GDPD4: variants seen among roughly 807,000 people sequenced by gnomAD.
GDPD4 encodes glycerophosphodiester phosphodiesterase 6.
A neutral mutation model predicts 67.8 loss-of-function variants in GDPD4; 60 were observed. The observed-to-expected ratio is 0.88, with a 90% CI of 0.72 to 1.10. GDPD4 has a LOEUF of 1.10. Ranked by LOEUF, GDPD4 falls within the 50% of genes least tolerant of loss-of-function variation. The pLI is 0.00. For synonymous variants in GDPD4, 212 were observed against 210.9 expected (o/e 1.00, Z -0.04); for missense variants, 623 against 613.9 (o/e 1.01, Z -0.16).
At chr11:77,287,677 C>T (rs1250697867) in intron 1 of GDPD4, among the ~76,000 whole-genome samples, 1 of 152,182 alleles carries the variant, frequency 6.6e-6, no homozygotes, top group Non-Finnish European at 1.5e-5. Context: ...GGACAATATT[C>T]CCTGTCCTCA....
chr11:77,251,910 T>C (rs1042480463), intron 11 of GDPD4, among the ~76,000 whole-genome samples: 4 of 152,124 alleles, frequency 2.6e-5, no homozygotes, highest in African/African-American at 9.7e-5. Context: ...TTTTCTCCTC[T>C]GGGTAATTTT....
chr11:77,283,246 C>A (rs1959838883), intron 3 of GDPD4, among the ~76,000 whole-genome samples: 2 of 152,246 alleles, frequency 1.3e-5, no homozygotes, highest in Admixed American at 6.5e-5. Context: ...CTGTAAAATG[C>A]CTGGAAGAGC....
rs115894662 is a variant in GDPD4, at chr11:77,246,872, G to A, written c.865-1370C>T. Among the ~76,000 whole-genome samples, 527 of 152,172 alleles carry A rather than the reference G, an allele frequency of 3.5e-3. 5 individuals carry two copies. The highest frequency in any genetic ancestry group is 0.012 in the African/African-American group (490 of 41,526). On this transcript the variant is annotated intron_variant, in intron 11 of 16. Coordinates refer to ENST00000315938, the MANE Select transcript of GDPD4 (RefSeq NM_182833.3). Reference sequence around the variant, plus strand: ...TTTGCTACATTAAATTTAATAGATGGCAACTTTGATAATCACTTGCCATTT... The same window carrying A: ...TTTGCTACATTAAATTTAATAGATGACAACTTTGATAATCACTTGCCATTT...
chr11:77,292,699 G>A (rs1346852175), intron 1 of GDPD4, among the ~76,000 whole-genome samples: 1 of 152,142 alleles, frequency 6.6e-6, no homozygotes, highest in Admixed American at 6.5e-5. Context: ...TTTCCAACCA[G>A]GATCATTAAG....
At chr11:77,256,117 C>T (rs1001240987) in intron 11 of GDPD4, among the ~76,000 whole-genome samples, 1 of 152,178 alleles carries the variant, frequency 6.6e-6, no homozygotes, top group South Asian at 2.1e-4. Flanking sequence ...CTCTACTGTT[C>T]CATCAAACAT....
chr11:77,250,762 C>A (rs1958876343), intron 11 of GDPD4, among the ~76,000 whole-genome samples: 1 of 152,086 alleles, frequency 6.6e-6, no homozygotes, highest in South Asian at 2.1e-4. Context: ...TTAAAGTCAC[C>A]AACATTTACT....
At chr11:77,272,047 T>A (rs930500243) in intron 5 of GDPD4, among the ~76,000 whole-genome samples, 7 of 152,166 alleles carry the variant, frequency 4.6e-5, no homozygotes, top group Non-Finnish European at 7.4e-5. Context: ...ATGTATAGTT[T>A]TCCTACATCC....
Position 77,243,707 on chromosome 11 carries a change from G to T in GDPD4, c.1228C>A (p.Pro410Thr). ...IINVDYKKLF[P>T]NGLRDYKAAN... The stretch of plus-strand genomic sequence containing the variant: ...TCAAACACTTACCTTAACCCATTAG[G>T]GAACAACTTCTTGTAGTCAACATTT... The change falls in exon 13 of 17, where the codon CCT (proline) becomes ACT (threonine). Residue 410 changes from proline (P) to threonine (T), a missense_variant. Transcript: ENST00000315938. 6.2e-7 allele frequency: 1 copy of T among 1,612,622 alleles called. No individual in the cohort carries two copies.
At chr11:77,282,740 A>G (rs1959820623) in intron 3 of GDPD4, among the ~76,000 whole-genome samples, 1 of 152,168 alleles carries the variant, frequency 6.6e-6, no homozygotes, top group Admixed American at 6.5e-5. Context: ...ATAGGACAGT[A>G]GCATTAGGAA....
chr11:77,278,837 A>G (rs1959615480), intron 4 of GDPD4, among the ~76,000 whole-genome samples: 1 of 152,228 alleles, frequency 6.6e-6, no homozygotes. Flanking sequence ...GGCTTTTGCT[A>G]AAATGTACTT....
chr11:77,245,401 C>G lies in GDPD4; in HGVS notation c.966G>C (p.Glu322Asp). 1 of 1,614,130 alleles carries G rather than the reference C, an allele frequency of 6.2e-7. No individual in the cohort carries two copies. Among genetic ancestry groups the G allele is most frequent in the Non-Finnish European group, 8.5e-7 (1 of 1,179,984 alleles). The change falls in exon 12 of 17, where the codon GAG becomes GAC. Residue 322 changes from glutamate to aspartate, a missense_variant. Glu to Asp is a conservative substitution (Grantham distance 45). Coordinates refer to ENST00000315938, the MANE Select transcript of GDPD4 (RefSeq NM_182833.3). ...PTLADLLTLAEKERKFVIFDL... is the reference protein window; with the variant it reads ...PTLADLLTLADKERKFVIFDL... ...CAAATATCACAAATTTTCTTTCCTT[C>G]TCTGCAAGTGTCAATAAATCAGCTA...
intron 16 of GDPD4, among the ~76,000 whole-genome samples, chr11:77,224,057 T>C (rs995706682): frequency 1.3e-5 from 2 of 152,158 alleles, no homozygotes; most frequent in Admixed American, 1.3e-4. Flanking sequence ...AAAAGTGCAG[T>C]ATTAAGGCTG....
At chr11:77,289,552 A>G (rs1937694610) in intron 1 of GDPD4, among the ~76,000 whole-genome samples, 1 of 151,746 alleles carries the variant, frequency 6.6e-6, no homozygotes, top group Non-Finnish European at 1.5e-5. Context: ...CAACATGATG[A>G]AACCCCGTCT....
intron 4 of GDPD4, among the ~76,000 whole-genome samples, chr11:77,278,312 C>G (rs1402990078): frequency 6.6e-6 from 1 of 152,176 alleles, no homozygotes; most frequent in African/African-American, 2.4e-5. Context: ...TCCCTCTCAG[C>G]AAGACAGCCT....
intron 10 of GDPD4, among the ~76,000 whole-genome samples, chr11:77,265,213 T>C (rs1165035213): frequency 6.6e-6 from 1 of 152,130 alleles, no homozygotes; most frequent in Non-Finnish European, 1.5e-5. Context: ...CTCCTGTTAA[T>C]CTGTCTTATG....
intron 15 of GDPD4, 143 bp from the exon 16 acceptor site, chr11:77,228,059 T>C (rs1958377600): frequency 1.4e-6 from 1 of 713,286 alleles, no homozygotes; most frequent in South Asian, 1.6e-5. Context: ...TTCCCAAATG[T>C]CATTTTCTTC....
chr11:77,281,978 T>TA (rs1260475754), intron 3 of GDPD4, among the ~76,000 whole-genome samples: 1 of 151,332 alleles, frequency 6.6e-6, no homozygotes, highest in African/African-American at 2.4e-5. Flanking sequence ...TGAAGAGCAA[T>TA]AAAAAAAAGT....
chr11:77,242,686 A>G (rs968997301), intron 13 of GDPD4, among the ~76,000 whole-genome samples: 2 of 152,142 alleles, frequency 1.3e-5, no homozygotes, highest in Admixed American at 6.5e-5. Context: ...GCCATTTTCT[A>G]TTTGAAAAAA....
At chr11:77,286,729 G>T (rs553972478) in intron 2 of GDPD4, among the ~76,000 whole-genome samples, 1 of 152,166 alleles carries the variant, frequency 6.6e-6, no homozygotes, top group African/African-American at 2.4e-5. Context: ...GCTAGTCCAC[G>T]TGCCACCACT....
Sources: allele counts gnomAD v4.1 joint callset (sites outside exome capture counted in the v4.1 genomes callset), GRCh38; gene constraint gnomAD v4.1.1; transcripts MANE v1.5; gene names NCBI Gene and HGNC (gene_info 2026-07-23, HGNC 2026-07-21).